The following TBL1X variants were observed in gnomAD, a reference collection of about 807,000 sequenced individuals.
The protein encoded by TBL1X is transducin beta like 1 X-linked, also known as F-box-like/WD repeat-containing protein TBL1X.
TBL1X carries 10 observed loss-of-function variants against 50.7 expected under a neutral mutation model. That is an observed-to-expected ratio of 0.20 (90% confidence interval 0.12 to 0.33). The LOEUF is 0.33. Among genes scored for constraint, TBL1X ranks in the 10% least tolerant of loss-of-function variants. The probability of loss-of-function intolerance (pLI) is 1.00; values close to 1 mark genes in which losing one functional copy is unlikely to be tolerated. For synonymous variants in TBL1X, 190 were observed against 214.7 expected (o/e 0.88, Z 1.01); for missense variants, 340 against 504.4 (o/e 0.67, Z 3.12).
At chrX:9,581,125 A>G (rs933095506) in intron 2 of TBL1X, among the ~76,000 whole-genome samples, 16 of 111,886 alleles carry the variant, frequency 1.4e-4, no homozygotes, top group African/African-American at 4.9e-4. Flanking sequence ...CTGTAGAGAA[A>G]TGGTTGCAGC....
At chrX:9,713,417 A>T (rs2083259560) in intron 16 of TBL1X, among the ~76,000 whole-genome samples, 1 of 100,281 alleles carries the variant, frequency 1.0e-5, no homozygotes, top group Non-Finnish European at 2.0e-5. Flanking sequence ...AGAAATCCTT[A>T]GGACTTTTCT....
chrX:9,625,593 A>G (rs947637410), intron 2 of TBL1X, among the ~76,000 whole-genome samples: 1 of 112,481 alleles, frequency 8.9e-6, no homozygotes, highest in African/African-American at 3.2e-5. Flanking sequence ...TACACTGGGT[A>G]TGAGTACAGT....
chrX:9,555,062 C>T lies in TBL1X; in HGVS notation c.-131+53213C>T, dbSNP rs763334393. 2.6e-4 allele frequency among the ~76,000 whole-genome samples: 29 copies of T among 111,452 alleles called. 1 individual carries two copies. The East Asian group carries it at 7.3e-3, about 28-fold the overall frequency. On this transcript the variant is annotated intron_variant, in intron 2 of 17. Coordinates refer to ENST00000645353, the MANE Select transcript of TBL1X (RefSeq NM_005647.4). ...CATCCATGTCATAGCATGGATTGAT[C>T]CTTCACTTTTTATTTTATTTTGTGT...
intron 5 of TBL1X, among the ~76,000 whole-genome samples, chrX:9,655,077 T>TGAC (rs1182211387): frequency 8.9e-6 from 1 of 111,800 alleles, no homozygotes; most frequent in East Asian, 2.8e-4. Flanking sequence ...TCGATGATGA[T>TGAC]GACCCTGGTG....
intron 7 of TBL1X, 76 bp from the exon 8 acceptor site, chrX:9,691,503 T>A: frequency 9.3e-7 from 1 of 1,071,795 alleles, no homozygotes; most frequent in Non-Finnish European, 1.3e-6. Context: ...AAAATGTTTC[T>A]GGAAACAAAA....
chrX:9,639,573 A>G (rs1462018169), intron 2 of TBL1X, among the ~76,000 whole-genome samples: 1 of 112,515 alleles, frequency 8.9e-6, no homozygotes, highest in African/African-American at 3.2e-5. Flanking sequence ...TTTATGAGCC[A>G]TAAACCTGGC....
intron 5 of TBL1X, among the ~76,000 whole-genome samples, chrX:9,674,128 A>G (rs1456564347): frequency 2.7e-5 from 3 of 112,543 alleles, no homozygotes; most frequent in Non-Finnish European, 5.6e-5. Flanking sequence ...TAACAATACA[A>G]CAATTAAGAT....
intron 2 of TBL1X, among the ~76,000 whole-genome samples, chrX:9,516,220 A>C (rs1221545851): frequency 9.0e-6 from 1 of 111,474 alleles, no homozygotes; most frequent in Non-Finnish European, 1.9e-5. Context: ...GGTCCATAAC[A>C]AGCAGTGAAA....
chrX:9,620,629 G>C (rs749757096), intron 2 of TBL1X, among the ~76,000 whole-genome samples: 130 of 112,163 alleles, frequency 1.2e-3, no homozygotes, highest in African/African-American at 3.9e-3. Flanking sequence ...TTCAGGTGGA[G>C]AGGCCAGCAC....
intron 2 of TBL1X, among the ~76,000 whole-genome samples, chrX:9,511,696 G>A (rs2082056318): frequency 8.9e-6 from 1 of 112,181 alleles, no homozygotes; most frequent in African/African-American, 3.2e-5. Flanking sequence ...TTGTGTAGTG[G>A]AATTGTTTGC....
At chrX:9,526,275 C>T (rs771598168) in intron 2 of TBL1X, among the ~76,000 whole-genome samples, 4 of 111,362 alleles carry the variant, frequency 3.6e-5, no homozygotes, top group South Asian at 7.6e-4. Flanking sequence ...ATTTTGGGGC[C>T]GGAGGTGGAG....
At chrX:9,638,275 A>G (rs778222307) in intron 2 of TBL1X, among the ~76,000 whole-genome samples, 1 of 112,154 alleles carries the variant, frequency 8.9e-6, no homozygotes, top group Non-Finnish European at 1.9e-5. Flanking sequence ...TAAACAGCAT[A>G]TGGCATTTGT....
intron 13 of TBL1X, 146 bp downstream of exon 13, chrX:9,705,260 A>G: frequency 2.0e-6 from 2 of 978,126 alleles, no homozygotes; most frequent in Admixed American, 2.7e-5. Flanking sequence ...TGGTTACCCC[A>G]TGGTAACCAT....
At chrX:9,569,712 C>G (rs887213361) in intron 2 of TBL1X, among the ~76,000 whole-genome samples, 1 of 112,034 alleles carries the variant, frequency 8.9e-6, no homozygotes, top group South Asian at 3.7e-4. Flanking sequence ...AGTTCTGCCA[C>G]TTCCTTTTTA....
intron 5 of TBL1X, among the ~76,000 whole-genome samples, chrX:9,667,202 C>T (rs948325060): frequency 9.0e-6 from 1 of 111,421 alleles, no homozygotes; most frequent in Non-Finnish European, 1.9e-5. Flanking sequence ...GAGGAGCTTG[C>T]AGTGAGCTGA....
intron 2 of TBL1X, among the ~76,000 whole-genome samples, chrX:9,618,937 GT>G (rs1251759685): frequency 8.9e-6 from 1 of 111,776 alleles, no homozygotes; most frequent in Non-Finnish European, 1.9e-5. Context: ...TAGGTTCAGA[GT>G]TTAGATGGCT....
At position 9,496,223 on chromosome X, in the gene TBL1X, A is replaced by AG. The variant is rs757881009; in HGVS notation, c.-200-5555dup. ...GACATGGCCTGAGGAGATGAAAGAG[A>AG]GGTGGGGACTGAGTAGGGAAAGCTC... On this transcript the variant is annotated intron_variant, in intron 1 of 17. Coordinates refer to ENST00000645353, the MANE Select transcript of TBL1X (RefSeq NM_005647.4). Among the ~76,000 whole-genome samples, 8 of 111,964 alleles carry AG rather than the reference A, an allele frequency of 7.1e-5. No homozygotes were observed. In the East Asian group the frequency reaches 1.4e-3, roughly 20 times the overall value.
intron 2 of TBL1X, among the ~76,000 whole-genome samples, chrX:9,590,004 C>T (rs903642097): frequency 6.3e-5 from 7 of 111,636 alleles, no homozygotes; most frequent in African/African-American, 1.3e-4. Flanking sequence ...AGTCTAATCA[C>T]GAGAAAAATT....
intron 2 of TBL1X, among the ~76,000 whole-genome samples, chrX:9,519,290 A>C (rs1390888138): frequency 9.0e-6 from 1 of 111,221 alleles, no homozygotes; most frequent in Admixed American, 9.6e-5. Context: ...TCTGGTGCCT[A>C]GGCTGGAGTA....
Sources: allele counts gnomAD v4.1 joint callset (sites outside exome capture counted in the v4.1 genomes callset), GRCh38; gene constraint gnomAD v4.1.1; transcripts MANE v1.5; gene names NCBI Gene and HGNC (gene_info 2026-07-23, HGNC 2026-07-21).